The following STK32B variants were observed in gnomAD, a reference collection of about 807,000 sequenced individuals.
The protein encoded by STK32B is serine/threonine-protein kinase 32B.
In STK32B, 43 loss-of-function variants were observed where a neutral mutation model predicts 52.6. The observed-to-expected ratio is 0.82, with a 90% CI of 0.64 to 1.05. STK32B has a LOEUF of 1.05. Among genes scored for constraint, STK32B ranks in the 50% least tolerant of loss-of-function variants. STK32B has a pLI of 0.00. For missense variants in STK32B, 621 were observed against 534.6 expected, an observed-to-expected ratio of 1.16 and a Z score of -1.59; for synonymous variants, 238 against 204.3, an observed-to-expected ratio of 1.17 and a Z score of -1.41.
chr4:5,255,220 T>C lies in STK32B; in HGVS notation c.261-76000T>C, dbSNP rs73797156. 7.8e-3 allele frequency among the ~76,000 whole-genome samples: 1,186 copies of C among 152,326 alleles called. 21 individuals carry two copies. The highest frequency in any genetic ancestry group is 0.02 in the African/African-American group (838 of 41,570). On this transcript the variant is annotated intron_variant, in intron 3 of 11. Coordinates refer to ENST00000282908, the MANE Select transcript of STK32B (RefSeq NM_018401.3). ...GAGCATATAGCAAAGGAATCTTGCC[T>C]GCTTGTTCAGGGTTTTGGGGGATCA...
At chr4:5,162,392 C>T (rs567906461) in intron 2 of STK32B, among the ~76,000 whole-genome samples, 3 of 152,266 alleles carry the variant, frequency 2.0e-5, no homozygotes, top group South Asian at 4.1e-4. Flanking sequence ...ACATTGTCAG[C>T]GCCCGGAATA....
At chr4:5,199,995 C>G (rs140324330) in intron 3 of STK32B, among the ~76,000 whole-genome samples, 1 of 152,306 alleles carries the variant, frequency 6.6e-6, no homozygotes, top group African/African-American at 2.4e-5. Flanking sequence ...GGCTAAACCA[C>G]TTTAGCGAGG....
chr4:5,091,153 TTC>T (rs1713058615), intron 1 of STK32B, among the ~76,000 whole-genome samples: 1 of 152,168 alleles, frequency 6.6e-6, no homozygotes, highest in Non-Finnish European at 1.5e-5. Context: ...AATGCCAGAT[TTC>T]ACCTTGGGCA....
chr4:5,187,967 C>T lies in STK32B; in HGVS notation c.260+19517C>T, dbSNP rs75907829. ...GTAGACGTGGAAAATGGCCTTTCCT[C>T]TTCCTAGGTGTGTACCCCTTGAAAG... On this transcript the variant is annotated intron_variant, in intron 3 of 11. Transcript: ENST00000282908. Among the ~76,000 whole-genome samples the T allele has an allele frequency of 2.4e-3, 361 of 152,308 alleles. 6 individuals are homozygous for T. The East Asian group carries it at 0.04, about 17-fold the overall frequency.
intron 5 of STK32B, among the ~76,000 whole-genome samples, chr4:5,416,604 TA>T (rs1252573146): frequency 3.3e-5 from 5 of 152,202 alleles, no homozygotes; most frequent in Non-Finnish European, 1.5e-5. Flanking sequence ...TTTTAATTCA[TA>T]AAAAATGTAT....
chr4:5,471,897 C>G (rs1014930074), intron 11 of STK32B, among the ~76,000 whole-genome samples: 7 of 152,212 alleles, frequency 4.6e-5, no homozygotes, highest in African/African-American at 1.7e-4. Flanking sequence ...TAGATTCCTG[C>G]TATACATGGT....
At chr4:5,201,588 G>A (rs999396541) in intron 3 of STK32B, among the ~76,000 whole-genome samples, 1 of 152,170 alleles carries the variant, frequency 6.6e-6, no homozygotes, top group African/African-American at 2.4e-5. Flanking sequence ...TTCTCACACT[G>A]CTATAAGGAG....
rs1736253687 is a variant in STK32B at position 5,386,306 on chromosome 4, T to C, written c.435-11901T>C. Among the ~76,000 whole-genome samples, 1 of 152,064 alleles carries C rather than the reference T, an allele frequency of 6.6e-6. No homozygotes were observed. Among genetic ancestry groups the C allele is most frequent in the Admixed American group, 6.5e-5 (1 of 15,282 alleles). ...CAGAAGGCAGGTCTCAGTAAGTATA[T>C]GTTGAATGCTGGAAAGAGCTCCCGG... On this transcript the variant is annotated intron_variant, in intron 4 of 11. Coordinates refer to ENST00000282908, the MANE Select transcript of STK32B (RefSeq NM_018401.3). The surrounding 1 kb of genome is among the most constrained non-coding windows in gnomAD (Gnocchi z 4.5).
chr4:5,308,810 T>A (rs896638875), intron 3 of STK32B, among the ~76,000 whole-genome samples: 1 of 151,672 alleles, frequency 6.6e-6, no homozygotes, highest in Non-Finnish European at 1.5e-5. Context: ...CAAGGAAAAG[T>A]ATAAAGCTTT....
chr4:5,091,229 T>C (rs1329552368), intron 1 of STK32B, among the ~76,000 whole-genome samples: 3 of 152,162 alleles, frequency 2.0e-5, no homozygotes, highest in Admixed American at 6.5e-5. Context: ...AAATATAAAT[T>C]AGATTTCATC....
At position 5,456,822 on chromosome 4, in the gene STK32B, C is replaced by G. The variant is rs371821989; in HGVS notation, c.682C>G (p.His228Asp). 8.2e-6 allele frequency: 13 copies of G among 1,585,464 alleles called. No homozygotes were observed. In the African/African-American group the frequency reaches 1.7e-4, roughly 21 times the overall value. ...LLRGWRPYEI[H>D]SVTPIDEILN... The stretch of plus-strand genomic sequence containing the variant: ...TTGATTGCAGAGGCCGTACGAAATC[C>G]ACTCGGTCACGCCCATCGATGAAAT... Residue 228 changes from histidine to aspartate, a missense_variant, in exon 8 of 12, where the codon CAC becomes GAC. Physicochemically the swap from His to Asp is moderately conservative, Grantham distance 81. Coordinates refer to ENST00000282908, the MANE Select transcript of STK32B (RefSeq NM_018401.3).
intron 3 of STK32B, among the ~76,000 whole-genome samples, chr4:5,219,055 T>C (rs1019116967): frequency 1.3e-5 from 2 of 152,242 alleles, no homozygotes; most frequent in African/African-American, 4.8e-5. Context: ...GGTCCATTGA[T>C]GGTGGACCTC....
intron 3 of STK32B, among the ~76,000 whole-genome samples, chr4:5,293,856 C>A (rs1208373702): frequency 1.3e-5 from 2 of 152,108 alleles, no homozygotes; most frequent in African/African-American, 2.4e-5. Context: ...GTCATGAAGT[C>A]TTTGCCCATG....
chr4:5,268,159 A>C (rs761470846), intron 3 of STK32B, among the ~76,000 whole-genome samples: 1 of 152,174 alleles, frequency 6.6e-6, no homozygotes, highest in Non-Finnish European at 1.5e-5. Flanking sequence ...GAATGTAAAG[A>C]AAGTTTCACT....
chr4:5,279,271 G>T (rs899163870), intron 3 of STK32B, among the ~76,000 whole-genome samples: 2 of 152,166 alleles, frequency 1.3e-5, no homozygotes, highest in African/African-American at 4.8e-5. Flanking sequence ...TTGGGTAAAT[G>T]CCCCTATTCC....
At chr4:5,033,263 A>G in the STK32B span, among the ~76,000 whole-genome samples, 1 of 152,220 alleles carries the variant, frequency 6.6e-6, no homozygotes, top group East Asian at 1.9e-4. Flanking sequence ...CGGCGTCCAC[A>G]GCTGCAGCAC....
chr4:5,123,275 T>G (rs1016600052), intron 1 of STK32B, among the ~76,000 whole-genome samples: 10 of 152,168 alleles, frequency 6.6e-5, no homozygotes, highest in African/African-American at 2.4e-4. Flanking sequence ...CCCCCATTTC[T>G]TCACTGCCTG....
intron 3 of STK32B, among the ~76,000 whole-genome samples, chr4:5,239,381 C>T (rs925301071): frequency 2.6e-5 from 4 of 152,044 alleles, no homozygotes; most frequent in Non-Finnish European, 4.4e-5. Flanking sequence ...GGCAGGAGGT[C>T]GGCACCGTCT....
At chr4:5,417,066 C>T (rs560143856) in intron 6 of STK32B, 132 bp downstream of exon 6, 2 of 752,786 alleles carry the variant, frequency 2.7e-6, no homozygotes, top group East Asian at 5.5e-5. Context: ...CCACAGTTCC[C>T]AGTAGATACA....
Sources: gnomAD v4.1 joint callset for allele counts (sites outside exome capture counted in the v4.1 genomes callset) on GRCh38, gnomAD v4.1.1 for gene constraint, Gnocchi (gnomAD v3.1) non-coding constraint, MANE v1.5 for transcripts, NCBI Gene and HGNC (gene_info 2026-07-23, HGNC 2026-07-21) for gene names.